Variants in UNC13C observed in about 807,000 individuals in gnomAD.
UNC13C encodes the protein unc-13 homolog C.
In UNC13C, 174 loss-of-function variants were observed where a neutral mutation model predicts 245.4. The ratio of observed to expected loss-of-function variants is 0.71; its 90% CI spans 0.63 to 0.80. The LOEUF is 0.80. UNC13C is among the 30% of genes least tolerant of loss of function. UNC13C has a pLI of 0.00. For synonymous variants in UNC13C, 992 were observed against 895.1 expected (o/e 1.11, Z -1.93); for missense variants, 2,829 against 2,602.9 (o/e 1.09, Z -1.89).
intron 14 of UNC13C, among the ~76,000 whole-genome samples, chr15:54,330,680 G>T (rs1388764796): frequency 6.6e-6 from 1 of 152,120 alleles, no homozygotes; most frequent in South Asian, 2.1e-4. Flanking sequence ...TTTCTATCTG[G>T]ATTGAGGGCC....
intron 17 of UNC13C, among the ~76,000 whole-genome samples, chr15:54,350,116 C>G (rs1038788163): frequency 2.0e-5 from 3 of 152,088 alleles, no homozygotes; most frequent in African/African-American, 7.2e-5. Context: ...CTCAGCCTCC[C>G]AAGTAACTGG....
chr15:54,322,143 T>TTA (rs1286024365), intron 14 of UNC13C, 48 bp downstream of exon 14: 34 of 1,477,572 alleles, frequency 2.3e-5, no homozygotes, highest in Middle Eastern at 3.5e-4. Flanking sequence ...CTTATGGGAG[T>TTA]TACATTTCAA....
chr15:54,220,627 G>C (rs983610816), intron 4 of UNC13C, among the ~76,000 whole-genome samples: 2 of 150,626 alleles, frequency 1.3e-5, no homozygotes, highest in South Asian at 4.2e-4. Context: ...TTAAAAAAAT[G>C]CATCTTAATA....
intron 1 of UNC13C, among the ~76,000 whole-genome samples, chr15:53,983,772 A>G (rs1894018336): frequency 6.6e-6 from 1 of 151,808 alleles, no homozygotes; most frequent in South Asian, 2.1e-4. Flanking sequence ...CTTTGACAGG[A>G]TTTCCACTAA....
At chr15:54,138,948 C>T (rs1373115834) in intron 2 of UNC13C, among the ~76,000 whole-genome samples, 3 of 28,286 alleles carry the variant, frequency 1.1e-4, no homozygotes, top group Admixed American at 5.1e-4. Context: ...TCCAAATTTC[C>T]CCTAATTTTT....
intron 19 of UNC13C, among the ~76,000 whole-genome samples, chr15:54,416,165 C>G (rs987967942): frequency 9.2e-5 from 14 of 152,122 alleles, no homozygotes; most frequent in African/African-American, 3.4e-4. Context: ...GAAACAAAGT[C>G]CCATAAAGGA....
chr15:54,543,429 G>C (rs1259193564), intron 26 of UNC13C, among the ~76,000 whole-genome samples: 2 of 151,888 alleles, frequency 1.3e-5, no homozygotes, highest in Non-Finnish European at 2.9e-5. Context: ...TAGGAGAAAA[G>C]AAGTAACTAA....
At chr15:54,438,919 G>GT (rs1890370033) in intron 19 of UNC13C, among the ~76,000 whole-genome samples, 1 of 151,902 alleles carries the variant, frequency 6.6e-6, no homozygotes. Flanking sequence ...ACCTTGTGTT[G>GT]TTTGTAAATA....
chr15:54,086,823 C>A (rs1177467748), intron 2 of UNC13C, among the ~76,000 whole-genome samples: 1 of 142,408 alleles, frequency 7.0e-6, no homozygotes, highest in Non-Finnish European at 1.5e-5. Context: ...GCAGCCTCCG[C>A]CCTCCAAGTT....
chr15:54,416,504 T>C (rs2040524183), intron 19 of UNC13C, among the ~76,000 whole-genome samples: 1 of 152,152 alleles, frequency 6.6e-6, no homozygotes, highest in South Asian at 2.1e-4. Flanking sequence ...GTGTTTCTTC[T>C]ACAGTTTATT....
At chr15:53,923,488 C>G in the UNC13C span, among the ~76,000 whole-genome samples, 2 of 152,224 alleles carry the variant, frequency 1.3e-5, no homozygotes, top group Non-Finnish European at 2.9e-5. Context: ...GATAACTTGA[C>G]TAACCAACAG....
intron 19 of UNC13C, among the ~76,000 whole-genome samples, chr15:54,454,568 GGGAA>G (rs760045795): frequency 1.4e-4 from 1 of 7,210 alleles, no homozygotes; most frequent in Admixed American, 2.1e-3. Flanking sequence ...ACAATAGTGG[GGGAA>G]AAAAAAAAAA....
In UNC13C at chr15:54,393,047, G is replaced by C; in HGVS notation, c.4714-1G>C. The C allele has an allele frequency of 6.3e-7, 1 of 1,596,546 alleles. No individual in the cohort carries two copies. Among genetic ancestry groups the C allele is most frequent in the Non-Finnish European group, 8.5e-7 (1 of 1,173,764 alleles). ...TGCATGTTGCGTGAACTTGTGAGCA[G>C]AGTAAGAAACAGGATATTCCTCGTG... On this transcript the variant is annotated splice_acceptor_variant, in intron 17 of 32. Coordinates refer to ENST00000260323, the MANE Select transcript of UNC13C (RefSeq NM_001080534.3). LOFTEE classifies it high-confidence loss of function.
At chr15:54,588,331 A>G (rs1898595058) in intron 30 of UNC13C, among the ~76,000 whole-genome samples, 1 of 152,220 alleles carries the variant, frequency 6.6e-6, no homozygotes, top group African/African-American at 2.4e-5. Context: ...CAGCTCTGCC[A>G]CTTACTACGT....
At chr15:53,851,732 G>T in the UNC13C span, among the ~76,000 whole-genome samples, 1 of 152,064 alleles carries the variant, frequency 6.6e-6, no homozygotes, top group Non-Finnish European at 1.5e-5. Context: ...TTGTCCAATC[G>T]CATTGTGACG....
At chr15:54,568,733 A>C (rs1300393240) in intron 30 of UNC13C, among the ~76,000 whole-genome samples, 1 of 152,172 alleles carries the variant, frequency 6.6e-6, no homozygotes, top group Non-Finnish European at 1.5e-5. Context: ...GAAGACACTA[A>C]CTTCATTCAT....
intron 2 of UNC13C, among the ~76,000 whole-genome samples, chr15:54,076,669 G>A (rs1216729043): frequency 6.6e-6 from 1 of 152,092 alleles, no homozygotes; most frequent in Non-Finnish European, 1.5e-5. Context: ...TAACGAGTTG[G>A]TTTCTGCATA....
At chr15:53,949,581 T>C in the UNC13C span, among the ~76,000 whole-genome samples, 2 of 152,336 alleles carry the variant, frequency 1.3e-5, no homozygotes, top group South Asian at 4.1e-4. Context: ...TTGCAGTGTG[T>C]TAATCATCTG....
chr15:54,101,979 T>G (rs1323297150), intron 2 of UNC13C, among the ~76,000 whole-genome samples: 1 of 151,146 alleles, frequency 6.6e-6, no homozygotes, highest in African/African-American at 2.4e-5. Context: ...TTAAACTGCT[T>G]GCCTTTGTTC....
Sources: allele counts gnomAD v4.1 joint callset (sites outside exome capture counted in the v4.1 genomes callset), GRCh38; gene constraint gnomAD v4.1.1; transcripts MANE v1.5; gene names NCBI Gene and HGNC (gene_info 2026-07-23, HGNC 2026-07-21).